The following SF3B3 variants were observed in gnomAD, a reference collection of about 807,000 sequenced individuals.
SF3B3 encodes the protein splicing factor 3b subunit 3, also known as SAP 130.
Under a neutral mutation model 139.2 loss-of-function variants are expected in SF3B3, and 33 were observed. The ratio of observed to expected loss-of-function variants is 0.24; its 90% CI spans 0.18 to 0.32. The LOEUF is 0.32. SF3B3 is among the 10% of genes least tolerant of loss of function. SF3B3 has a pLI of 1.00. For synonymous variants in SF3B3, 596 were observed against 563.6 expected, an observed-to-expected ratio of 1.06 and a Z score of -0.81; for missense variants, 818 against 1,509.4, an observed-to-expected ratio of 0.54 and a Z score of 7.59.
At chr16:70,559,155 A>G (rs898664591) in intron 15 of SF3B3, among the ~76,000 whole-genome samples, 5 of 152,084 alleles carry the variant, frequency 3.3e-5, no homozygotes, top group Non-Finnish European at 5.9e-5. Context: ...TATTACACAC[A>G]TTGCCTAGGT....
intron 25 of SF3B3, 114 bp from the exon 26 acceptor site, chr16:70,571,558 CT>C (rs2050529665): frequency 9.0e-7 from 1 of 1,107,156 alleles, no homozygotes; most frequent in Admixed American, 2.7e-5. Flanking sequence ...GGGTGAGACC[CT>C]GTCTCAAAAA....
At chr16:70,525,840 T>A (rs1159333280) in intron 1 of SF3B3, among the ~76,000 whole-genome samples, 1 of 151,356 alleles carries the variant, frequency 6.6e-6, no homozygotes, top group Non-Finnish European at 1.5e-5. Context: ...GGGCGCCTGT[T>A]GTCCCAGCTA....
Position 70,535,343 on chromosome 16 carries a change from A to G in SF3B3, c.748A>G (p.Ile250Val). 2 of 1,611,292 alleles carry G rather than the reference A, an allele frequency of 1.2e-6. No homozygotes were observed. Among genetic ancestry groups the G allele is most frequent in the Non-Finnish European group, 1.7e-6 (2 of 1,178,316 alleles). The change falls in exon 6 of 26, where the codon ATC becomes GTC. Residue 250 changes from isoleucine to valine, a missense_variant. Physicochemically the swap from Ile to Val is conservative, Grantham distance 29. Coordinates refer to ENST00000302516, the MANE Select transcript of SF3B3 (RefSeq NM_012426.5). ...GGSDGPSGVL[I>V]CSENYITYKN... The stretch of plus-strand genomic sequence containing the variant: ...GTCAGATGGTCCAAGTGGAGTACTG[A>G]TCTGCTCTGAAAACTATATTACTTA...
In SF3B3 at chr16:70,524,214, G is replaced by A. The variant is rs141765515; in HGVS notation, c.-71+286G>A. On this transcript the variant is annotated intron_variant, in intron 1 of 25. Transcript: ENST00000302516. ...GGGGGAGGTGTGACAAGCAGCGGGA[G>A]GCATGGATGTCTCCCTCTGGGTAGA... Among the ~76,000 whole-genome samples the A allele has an allele frequency of 6.1e-3, 923 of 152,250 alleles. 8 individuals are homozygous for A. Among genetic ancestry groups the A allele is most frequent in the Admixed American group, 0.015 (230 of 15,298 alleles).
intron 23 of SF3B3, among the ~76,000 whole-genome samples, chr16:70,569,694 A>G (rs996369504): frequency 1.3e-5 from 2 of 152,162 alleles, no homozygotes; most frequent in African/African-American, 2.4e-5. Context: ...TGGTGGTACA[A>G]TCACAGATCA....
chr16:70,556,064 A>G, intron 13 of SF3B3, 115 bp from the exon 14 acceptor site: 1 of 1,016,130 alleles, frequency 9.8e-7, no homozygotes. Context: ...GAGAGGAAGC[A>G]GAACAAAATA....
At chr16:70,540,892 A>G (rs977962104) in intron 8 of SF3B3, among the ~76,000 whole-genome samples, 1 of 152,206 alleles carries the variant, frequency 6.6e-6, no homozygotes, top group Non-Finnish European at 1.5e-5. Context: ...TATTGGGAAC[A>G]ATGCTGTGGT....
At position 70,535,290 on chromosome 16, in the gene SF3B3, T is replaced by C; in HGVS notation, c.713-18T>C. On this transcript the variant is annotated intron_variant, in intron 5 of 25. Coordinates refer to ENST00000302516, the MANE Select transcript of SF3B3 (RefSeq NM_012426.5). ...TGTCTGAGTCAAAGTCACTGCTAAG[T>C]TTTATTTTCTCTCACAGTTCCAGGA... 1 of 1,384,848 alleles carries C rather than the reference T, an allele frequency of 7.2e-7. No homozygotes were observed. The highest frequency in any genetic ancestry group is 1.0e-6 in the Non-Finnish European group (1 of 1,000,438). 85.8% of individuals were successfully genotyped at this position (1,384,848 alleles called of 1,614,324 possible). A position where few individuals can be genotyped will look rare whatever the true frequency, so the allele number is the denominator to read the frequency against.
At chr16:70,548,268 G>A (rs867394477) in intron 10 of SF3B3, 102 bp from the exon 11 acceptor site, 11 of 928,706 alleles carry the variant, frequency 1.2e-5, no homozygotes, top group East Asian at 2.4e-5. Flanking sequence ...TACAGCATAC[G>A]TTGTGAACCC....
rs571865942 is a variant in SF3B3, at chr16:70,560,704, G to A, written c.2133+113G>A. 21 of 1,249,418 alleles carry A rather than the reference G, an allele frequency of 1.7e-5. No individual in the cohort carries two copies. The South Asian group carries it at 2.8e-4, about 16-fold the overall frequency. The allele number at this position is 1,249,418 out of a possible 1,614,324, so 77.4% of individuals were successfully genotyped here. A position where few individuals can be genotyped will look rare whatever the true frequency, so the allele number is the denominator to read the frequency against. On this transcript the variant is annotated intron_variant, in intron 16 of 25. Transcript: ENST00000302516. ...ACTAATTTGCCACTCCATCTTGATT[G>A]GTTTCCTTCATGTGAGAAGTCCTGA... is the stretch of plus-strand genomic sequence containing the variant.
intron 6 of SF3B3, chr16:70,538,023 CTT>C (rs747581872): frequency 1.7e-6 from 1 of 579,520 alleles, no homozygotes; most frequent in Non-Finnish European, 3.3e-6. Flanking sequence ...AATGATGACT[CTT>C]TAAAAAATTT....
rs1271259284 is a variant in SF3B3 at position 70,576,033 on chromosome 16, CAG to C, written c.*4222_*4223del. The C allele has an allele frequency of 6.6e-6, 1 of 151,818 alleles. No individual in the cohort carries two copies. Among genetic ancestry groups the C allele is most frequent in the Admixed American group, 6.6e-5 (1 of 15,226 alleles). The allele number at this position is 151,818 out of a possible 1,614,324, so 9.4% of individuals were successfully genotyped here. On this transcript the variant is annotated 3_prime_UTR_variant, in exon 26 of 26. Transcript: ENST00000302516. ...AGAAGTTTAAGACCAGCCTAGGAAA[CAG>C]ACCCCATCTCTACAAAAAATTCAAA...
chr16:70,569,151 C>T lies in SF3B3; in HGVS notation c.3264+10C>T. The T allele has an allele frequency of 6.3e-7, 1 of 1,583,564 alleles. No individual in the cohort carries two copies. The highest frequency in any genetic ancestry group is 1.1e-5 in the South Asian group (1 of 88,498). On this transcript the variant is annotated intron_variant, in intron 23 of 25. Transcript: ENST00000302516. ...TGGGGCCTCCCAGAAGGTAAGATTG[C>T]AGAATGGGCCCCAGGGAGAACACTG...
chr16:70,529,433 A>C (rs2050099483), intron 3 of SF3B3: 1 of 535,664 alleles, frequency 1.9e-6, no homozygotes, highest in South Asian at 2.5e-5. Context: ...GGTGTTTTTC[A>C]ATTTCTTTTT....
At chr16:70,548,023 G>A (rs1424014654) in intron 10 of SF3B3, among the ~76,000 whole-genome samples, 1 of 152,186 alleles carries the variant, frequency 6.6e-6, no homozygotes, top group African/African-American at 2.4e-5. Flanking sequence ...GGGAGCTGGG[G>A]AAAGAAAGGG....
Position 70,538,359 on chromosome 16 carries a change from G to A in SF3B3, c.862G>A (p.Val288Ile). The change falls in exon 7 of 26, where the codon GTC becomes ATC. Residue 288 changes from valine to isoleucine, a missense_variant. Val to Ile is a conservative substitution (Grantham distance 29). Around this residue, in one of 14 missense-constraint regions of SF3B3, gnomAD observed 80 missense variants for 206.5 expected, o/e 0.39. Transcript: ENST00000302516. ...LDDPERGMIF[V>I]CSATHKTKSM... is the part of the protein sequence containing the mutation. ...TGACCCTGAAAGAGGAATGATTTTT[G>A]TCTGCTCTGCAACCCATAAAACCAA... is the stretch of plus-strand genomic sequence containing the variant. The A allele has an allele frequency of 1.2e-6, 2 of 1,613,870 alleles. No individual in the cohort carries two copies. Among genetic ancestry groups the A allele is most frequent in the Non-Finnish European group, 1.7e-6 (2 of 1,179,876 alleles).
At chr16:70,539,470 T>A (rs2050198601) in intron 8 of SF3B3, among the ~76,000 whole-genome samples, 1 of 151,830 alleles carries the variant, frequency 6.6e-6, no homozygotes, top group Admixed American at 6.6e-5. Flanking sequence ...ATCACTTGAA[T>A]CTGGAAGGTG....
intron 6 of SF3B3, among the ~76,000 whole-genome samples, chr16:70,536,602 G>A (rs566865680): frequency 4.0e-5 from 6 of 150,724 alleles, no homozygotes; most frequent in Non-Finnish European, 7.4e-5. Context: ...CTCGTGATCT[G>A]CCCGCCTCGG....
At chr16:70,524,149 G>A in intron 1 of SF3B3, 1 of 327,978 alleles carries the variant, frequency 3.0e-6, no homozygotes. Context: ...TCAAAATAGG[G>A]CTCGTGGAGA....
Sources: gnomAD v4.1 joint callset for allele counts (sites outside exome capture counted in the v4.1 genomes callset) on GRCh38, gnomAD v4.1.1 for gene constraint, gnomAD v4.1.1 regional missense constraint, MANE v1.5 for transcripts, NCBI Gene and HGNC (gene_info 2026-07-23, HGNC 2026-07-21) for gene names.